Variants in PHLPP1 observed in about 807,000 individuals in gnomAD.
PHLPP1 encodes the protein PH domain leucine-rich repeat-containing protein phosphatase 1.
Under a neutral mutation model 117.2 loss-of-function variants are expected in PHLPP1, and 42 were observed. That is an observed-to-expected ratio of 0.36 (90% CI 0.28 to 0.46). PHLPP1 has a LOEUF of 0.46. Ranked by LOEUF, PHLPP1 falls within the 20% of genes least tolerant of loss-of-function variation. The pLI is 1.00. For synonymous variants in PHLPP1, 1,042 were observed against 970.7 expected (o/e 1.07, Z -1.37); for missense variants, 2,084 against 2,241.9 (o/e 0.93, Z 1.42).
intron 16 of PHLPP1, among the ~76,000 whole-genome samples, chr18:62,976,290 T>C (rs1778989810): frequency 6.6e-6 from 1 of 152,180 alleles, no homozygotes; most frequent in African/African-American, 2.4e-5. Context: ...ACAATGCTGC[T>C]CAACACCCCA....
At chr18:62,728,155 C>A (rs756700679) in intron 1 of PHLPP1, among the ~76,000 whole-genome samples, 1 of 151,720 alleles carries the variant, frequency 6.6e-6, no homozygotes, top group Non-Finnish European at 1.5e-5. Flanking sequence ...ATTAGCTGGA[C>A]GTGGTGGTGC....
chr18:62,739,229 C>T (rs1349853139), intron 1 of PHLPP1, among the ~76,000 whole-genome samples: 1 of 152,166 alleles, frequency 6.6e-6, no homozygotes, highest in African/African-American at 2.4e-5. Context: ...GGAAGCAACT[C>T]CGAAGAATGC....
chr18:62,900,348 T>TAAAA (rs1555680659), intron 6 of PHLPP1, among the ~76,000 whole-genome samples: 3 of 122,054 alleles, frequency 2.5e-5, no homozygotes, highest in Non-Finnish European at 5.3e-5. Context: ...AATAAATAAA[T>TAAAA]AAAAAGTTTG....
At chr18:62,892,039 G>A (rs987387011) in intron 4 of PHLPP1, among the ~76,000 whole-genome samples, 2 of 145,514 alleles carry the variant, frequency 1.4e-5, no homozygotes, top group Non-Finnish European at 3.0e-5. Flanking sequence ...TAAGAAAAGT[G>A]TCATTGTTTT....
intron 1 of PHLPP1, among the ~76,000 whole-genome samples, chr18:62,794,283 T>C (rs934788037): frequency 6.6e-6 from 1 of 152,192 alleles, no homozygotes; most frequent in African/African-American, 2.4e-5. Context: ...TAGAACATTT[T>C]ATAAATTAGT....
At chr18:62,797,138 A>G (rs968474337) in intron 1 of PHLPP1, among the ~76,000 whole-genome samples, 2 of 152,230 alleles carry the variant, frequency 1.3e-5, no homozygotes, top group African/African-American at 2.4e-5. Context: ...AATCAAGTGC[A>G]TACCTTCCGA....
chr18:62,954,383 AT>A (rs1361527069), intron 12 of PHLPP1, among the ~76,000 whole-genome samples: 2 of 152,258 alleles, frequency 1.3e-5, no homozygotes, highest in Non-Finnish European at 2.9e-5. Context: ...AGAGGTACAT[AT>A]ATTAACAATA....
intron 2 of PHLPP1, among the ~76,000 whole-genome samples, chr18:62,836,104 T>A (rs1046936153): frequency 4.0e-5 from 6 of 151,790 alleles, no homozygotes; most frequent in East Asian, 3.9e-4. Flanking sequence ...ATATATATAT[T>A]TTTAAATTAC....
Position 62,717,088 on chromosome 18 carries a change from C to T in PHLPP1, c.1405C>T (p.Pro469Ser). The change falls in exon 1 of 17, where the codon CCC becomes TCC. Residue 469 changes from proline to serine, a missense_variant. By Grantham distance (74) the Pro-to-Ser change is moderately conservative. Transcript: ENST00000262719. ...GAAGGCGCCTCCGCCGCCCCCGCCGCCCACCCTGTACGTGCAGCTCCACGG... is the reference window on the plus strand; with the variant it reads ...GAAGGCGCCTCCGCCGCCCCCGCCGTCCACCCTGTACGTGCAGCTCCACGG... ...AEKAPPPPPP[P>S]TLYVQLHGET... The T allele has an allele frequency of 1.3e-6, 2 of 1,551,770 alleles. No individual in the cohort carries two copies. The highest frequency in any genetic ancestry group is 1.7e-6 in the Non-Finnish European group (2 of 1,148,636).
intron 15 of PHLPP1, 148 bp downstream of exon 15, chr18:62,972,856 G>T (rs568738898): frequency 2.8e-5 from 18 of 640,518 alleles, no homozygotes; most frequent in Admixed American, 8.6e-5. Flanking sequence ...GTTTGGTGTT[G>T]CCCAGGCATC....
chr18:62,786,118 A>G (rs142132778), intron 1 of PHLPP1, among the ~76,000 whole-genome samples: 68 of 152,316 alleles, frequency 4.5e-4, no homozygotes, highest in African/African-American at 1.4e-3. Context: ...GCATCTTCCT[A>G]AAAGAGAGAC....
At chr18:62,751,054 G>A (rs368208198) in intron 1 of PHLPP1, among the ~76,000 whole-genome samples, 1 of 152,130 alleles carries the variant, frequency 6.6e-6, no homozygotes, top group Non-Finnish European at 1.5e-5. Flanking sequence ...CAAAAAAGCA[G>A]TGTTAGCCAC....
intron 1 of PHLPP1, among the ~76,000 whole-genome samples, chr18:62,809,876 T>C (rs973279084): frequency 6.6e-6 from 1 of 152,252 alleles, no homozygotes; most frequent in African/African-American, 2.4e-5. Flanking sequence ...TTTGTACATG[T>C]ATTAACATTT....
chr18:62,873,388 CA>C (rs1915958753), intron 4 of PHLPP1, among the ~76,000 whole-genome samples: 1 of 152,194 alleles, frequency 6.6e-6, no homozygotes, highest in Non-Finnish European at 1.5e-5. Context: ...AAATTGGTGA[CA>C]ATTAAAATAC....
chr18:62,942,572 C>A (rs1052148323), intron 11 of PHLPP1, among the ~76,000 whole-genome samples: 8 of 152,054 alleles, frequency 5.3e-5, no homozygotes, highest in Non-Finnish European at 1.0e-4. Flanking sequence ...TTTGTTTTTA[C>A]TTTAATTTCT....
intron 3 of PHLPP1, among the ~76,000 whole-genome samples, chr18:62,859,571 T>C (rs1915580749): frequency 1.3e-5 from 2 of 152,250 alleles, no homozygotes; most frequent in South Asian, 4.1e-4. Flanking sequence ...GATTCTACTG[T>C]ACCATTAATT....
chr18:62,740,427 CTG>C (rs749201232), intron 1 of PHLPP1, among the ~76,000 whole-genome samples: 101 of 152,062 alleles, frequency 6.6e-4, no homozygotes, highest in Non-Finnish European at 5.6e-4. Context: ...TGGATTAAAT[CTG>C]TTTATAAAGT....
intron 14 of PHLPP1, among the ~76,000 whole-genome samples, chr18:62,971,785 C>T (rs1911055358): frequency 1.3e-5 from 2 of 152,110 alleles, no homozygotes; most frequent in Admixed American, 6.6e-5. Flanking sequence ...ACCTGTAATC[C>T]CAGCACTTTG....
chr18:62,893,004 G>A (rs1157172760), intron 4 of PHLPP1, among the ~76,000 whole-genome samples: 2 of 151,612 alleles, frequency 1.3e-5, no homozygotes, highest in African/African-American at 4.8e-5. Context: ...ATTCTAGCTT[G>A]TGTTTTGCAG....
Sources: allele counts gnomAD v4.1 joint callset (sites outside exome capture counted in the v4.1 genomes callset), GRCh38; gene constraint gnomAD v4.1.1; transcripts MANE v1.5; gene names NCBI Gene and HGNC (gene_info 2026-07-23, HGNC 2026-07-21).